Variants in RPS6KA5 observed in about 807,000 individuals in gnomAD.
RPS6KA5 encodes the protein ribosomal protein S6 kinase alpha-5.
Under a neutral mutation model 85.5 loss-of-function variants are expected in RPS6KA5, and 27 were observed. The observed-to-expected ratio is 0.32, with a 90% CI of 0.23 to 0.44. RPS6KA5 has a LOEUF of 0.44. Ranked by LOEUF, RPS6KA5 falls within the 20% of genes least tolerant of loss-of-function variation. The probability of loss-of-function intolerance (pLI) is 1.00; values close to 1 mark genes in which losing one functional copy is unlikely to be tolerated. For synonymous variants in RPS6KA5, 334 were observed against 348.2 expected (o/e 0.96, Z 0.46); for missense variants, 811 against 980.9 (o/e 0.83, Z 2.31).
chr14:91,054,094 A>G (rs1285992), intron 1 of RPS6KA5, among the ~76,000 whole-genome samples: 111,177 of 152,118 alleles, frequency 0.73, 40,710 homozygotes, highest in East Asian at 0.87. Context: ...ATGGAGAAAA[A>G]AATAGTCTTT....
intron 1 of RPS6KA5, among the ~76,000 whole-genome samples, chr14:91,046,773 G>C: frequency 6.6e-6 from 1 of 151,352 alleles, no homozygotes; most frequent in Non-Finnish European, 1.5e-5. Context: ...TTATCATTAC[G>C]TATTTTCTAA....
Position 90,894,604 on chromosome 14 carries a change from C to A in RPS6KA5, c.1474-21G>T. On this transcript the variant is annotated intron_variant, in intron 12 of 16. Coordinates refer to ENST00000614987, the MANE Select transcript of RPS6KA5 (RefSeq NM_004755.4). ...TGAAGCTAGAAAAGAGAAAGAATAACGTGGAGGGCCTTCCTGAAGCACAGA... is the reference window on the plus strand; with the variant it reads ...TGAAGCTAGAAAAGAGAAAGAATAAAGTGGAGGGCCTTCCTGAAGCACAGA... 3 of 1,608,742 alleles carry A rather than the reference C, an allele frequency of 1.9e-6. No individual in the cohort carries two copies. The East Asian group carries it at 6.7e-5, about 36-fold the overall frequency.
chr14:90,983,606 G>T (rs1016019267), intron 2 of RPS6KA5, among the ~76,000 whole-genome samples: 11 of 149,986 alleles, frequency 7.3e-5, no homozygotes, highest in African/African-American at 2.7e-4. Flanking sequence ...GTCTCAGGGG[G>T]AGAAAGAAGA....
At chr14:91,043,954 C>T (rs1023294437) in intron 1 of RPS6KA5, among the ~76,000 whole-genome samples, 2 of 152,174 alleles carry the variant, frequency 1.3e-5, no homozygotes, top group African/African-American at 2.4e-5. Flanking sequence ...AGGCAGGACG[C>T]AGTGGCTCAC....
intron 2 of RPS6KA5, among the ~76,000 whole-genome samples, chr14:90,991,714 A>AAAAG: frequency 6.6e-6 from 1 of 151,178 alleles, no homozygotes; most frequent in East Asian, 1.9e-4. Context: ...AAAAAAAAAA[A>AAAAG]AAAAAAGAAG....
At chr14:91,056,662 A>T (rs1343179295) in intron 1 of RPS6KA5, among the ~76,000 whole-genome samples, 1 of 152,136 alleles carries the variant, frequency 6.6e-6, no homozygotes, top group East Asian at 1.9e-4. Context: ...CCTATCATCC[A>T]AGCATCTAAA....
chr14:91,021,870 C>T lies in RPS6KA5; in HGVS notation c.104-20711G>A, dbSNP rs181594290. The stretch of plus-strand genomic sequence containing the variant: ...ACTTCATTTGTTCTCTTACAAGTAG[C>T]CTTGATTCCTTTTAATGGGAAATAA... On this transcript the variant is annotated intron_variant, in intron 1 of 16. Coordinates refer to ENST00000614987, the MANE Select transcript of RPS6KA5 (RefSeq NM_004755.4). Among the ~76,000 whole-genome samples, 12 of 152,242 alleles carry T rather than the reference C, an allele frequency of 7.9e-5. No individual in the cohort carries two copies. The East Asian group carries it at 1.7e-3, about 22-fold the overall frequency.
chr14:90,859,938 A>C lies in RPS6KA5; in HGVS notation c.*12136T>G, dbSNP rs1047532766. 7.9e-5 allele frequency: 12 copies of C among 151,130 alleles called. No individual in the cohort carries two copies. Among genetic ancestry groups the C allele is most frequent in the African/African-American group, 2.9e-4 (12 of 40,984 alleles). 9.4% of individuals were successfully genotyped at this position (151,130 alleles called of 1,614,324 possible). ...AGAACACATGGAAACAGGGAGGGGA[A>C]CATCACACGCTGGGGCCTGTCGGGG... On this transcript the variant is annotated 3_prime_UTR_variant, in exon 17 of 17. Transcript: ENST00000614987.
At position 90,916,579 on chromosome 14, in the gene RPS6KA5, A is replaced by T. The variant is rs147508468; in HGVS notation, c.806+3627T>A. Among the ~76,000 whole-genome samples the T allele has an allele frequency of 5.3e-5, 8 of 152,316 alleles. No homozygotes were observed. The East Asian group carries it at 1.5e-3, about 29-fold the overall frequency. ...ATAATGGCACATTTATCTAAATGAT[A>T]CATACAAGATTTATGCCAGGAAAGA... On this transcript the variant is annotated intron_variant, in intron 7 of 16. Transcript: ENST00000614987.
In RPS6KA5 at chr14:90,875,210, A is replaced by T. The variant is rs1272580665; in HGVS notation, c.1987T>A (p.Leu663Met). Residue 663 changes from leucine to methionine, a missense_variant, in exon 15 of 17, where the codon TTG (leucine) becomes ATG (methionine). Physicochemically the swap from Leu to Met is conservative, Grantham distance 15. Around this residue, in one of 3 missense-constraint regions of RPS6KA5, gnomAD observed 650 missense variants for 793.4 expected, o/e 0.82. Coordinates refer to ENST00000614987, the MANE Select transcript of RPS6KA5 (RefSeq NM_004755.4). ...TTCATTAGATTCTTACCTTGGATCA[A>T]ATCTTTAGCCTCTTGGGATACATTC... is the stretch of plus-strand genomic sequence containing the variant. ...WKNVSQEAKD[L>M]IQGLLTVDPN... The T allele has an allele frequency of 3.7e-6, 6 of 1,612,128 alleles. No homozygotes were observed. Among genetic ancestry groups the T allele is most frequent in the Non-Finnish European group, 5.1e-6 (6 of 1,179,290 alleles).
rs928177013 is a variant in RPS6KA5, at chr14:90,865,990, C to T, written c.*6084G>A. 1.3e-5 allele frequency: 2 copies of T among 152,194 alleles called. No individual in the cohort carries two copies. The highest frequency in any genetic ancestry group is 2.9e-5 in the Non-Finnish European group (2 of 68,030). The allele number at this position is 152,194 out of a possible 1,614,324, so 9.4% of individuals were successfully genotyped here. A position where few individuals can be genotyped will look rare whatever the true frequency, so the allele number is the denominator to read the frequency against. ...AATTTTCATCACAAACATTTCCCAG[C>T]TCTGTCCCAATCAAGTTCTTATTTC... On this transcript the variant is annotated 3_prime_UTR_variant, in exon 17 of 17. Coordinates refer to ENST00000614987, the MANE Select transcript of RPS6KA5 (RefSeq NM_004755.4).
At chr14:91,007,829 G>A (rs954673539) in intron 1 of RPS6KA5, among the ~76,000 whole-genome samples, 2 of 151,732 alleles carry the variant, frequency 1.3e-5, no homozygotes, top group South Asian at 2.1e-4. Context: ...AAATAACTTT[G>A]TTGTTGTTTT....
intron 3 of RPS6KA5, among the ~76,000 whole-genome samples, chr14:90,953,935 T>C (rs1189388483): frequency 6.6e-6 from 1 of 152,216 alleles, no homozygotes; most frequent in Non-Finnish European, 1.5e-5. Context: ...TCCTGTTTCC[T>C]CAAAAGCATG....
intron 13 of RPS6KA5, among the ~76,000 whole-genome samples, chr14:90,892,504 T>A (rs1345954606): frequency 6.6e-6 from 1 of 152,234 alleles, no homozygotes; most frequent in Non-Finnish European, 1.5e-5. Flanking sequence ...AAGTAACCAT[T>A]CAATCCCCTT....
chr14:90,971,768 T>C (rs1043291828), intron 3 of RPS6KA5, among the ~76,000 whole-genome samples: 16 of 152,114 alleles, frequency 1.1e-4, no homozygotes, highest in African/African-American at 3.9e-4. Flanking sequence ...CCACATCTGC[T>C]CCTAAAACAT....
chr14:90,981,564 C>T (rs569495976), intron 2 of RPS6KA5, among the ~76,000 whole-genome samples: 4 of 152,220 alleles, frequency 2.6e-5, no homozygotes, highest in African/African-American at 7.2e-5. Flanking sequence ...TCAAATAATA[C>T]GCAATCATCC....
At chr14:90,880,172 G>A (rs1191724263) in intron 14 of RPS6KA5, among the ~76,000 whole-genome samples, 2 of 152,122 alleles carry the variant, frequency 1.3e-5, no homozygotes, top group Non-Finnish European at 2.9e-5. Flanking sequence ...TAAGTGTATA[G>A]TTCGATGGTA....
At chr14:90,985,488 T>C (rs530719726) in intron 2 of RPS6KA5, among the ~76,000 whole-genome samples, 2 of 152,362 alleles carry the variant, frequency 1.3e-5, no homozygotes, top group East Asian at 3.9e-4. Flanking sequence ...CACTAGGACC[T>C]GAATGGCTCA....
In RPS6KA5 at chr14:90,869,806, T is replaced by TTA. The variant is rs1056174893; in HGVS notation, c.*2266_*2267dup. 8 of 152,236 alleles carry TTA rather than the reference T, an allele frequency of 5.3e-5. No individual in the cohort carries two copies. The highest frequency in any genetic ancestry group is 1.9e-4 in the African/African-American group (8 of 41,458). 9.4% of individuals were successfully genotyped at this position (152,236 alleles called of 1,614,324 possible). Reference sequence around the variant, plus strand: ...GCATCAAATGCTGTCTTTTTGGTACTTATAAGTAGGGTGTAGATAAAGATA... The same window carrying TTA: ...GCATCAAATGCTGTCTTTTTGGTACTTATATAAGTAGGGTGTAGATAAAGATA... On this transcript the variant is annotated 3_prime_UTR_variant, in exon 17 of 17. Coordinates refer to ENST00000614987, the MANE Select transcript of RPS6KA5 (RefSeq NM_004755.4).
Sources: gnomAD v4.1 joint callset for allele counts (sites outside exome capture counted in the v4.1 genomes callset) on GRCh38, gnomAD v4.1.1 for gene constraint, gnomAD v4.1.1 regional missense constraint, MANE v1.5 for transcripts, NCBI Gene and HGNC (gene_info 2026-07-23, HGNC 2026-07-21) for gene names.